The following ZC3H12D variants were observed in gnomAD, a reference collection of about 807,000 sequenced individuals.
ZC3H12D encodes the protein probable ribonuclease ZC3H12D.
In ZC3H12D, 11 loss-of-function variants were observed where a neutral mutation model predicts 24.2. The ratio of observed to expected loss-of-function variants is 0.46; its 90% CI spans 0.29 to 0.75. The LOEUF (loss-of-function observed/expected upper bound fraction) is 0.75, where lower values mean the gene tolerates loss of function less well. Among genes scored for constraint, ZC3H12D ranks in the 30% least tolerant of loss-of-function variants. The pLI, the probability that ZC3H12D is intolerant of heterozygous loss-of-function variation, is 0.11. For synonymous variants in ZC3H12D, 333 were observed against 341.8 expected (o/e 0.97, Z 0.28); for missense variants, 740 against 767.7 (o/e 0.96, Z 0.43).
At position 149,458,128 on chromosome 6, in the gene ZC3H12D, CTTTTTTTTTT is replaced by C. The variant is rs1189920889; in HGVS notation, c.446-1238_446-1229del. The stretch of plus-strand genomic sequence containing the variant: ...TTCTTTTTCTTTTTTTTTTTCGTTT[CTTTTTTTTTT>C]TTTTTTTTTTTTTTTGAGACAAGAT... On this transcript the variant is annotated intron_variant, in intron 3 of 5. Transcript: ENST00000409806. Among the ~76,000 whole-genome samples the C allele has an allele frequency of 1.0e-4, 4 of 39,756 alleles. No individual in the cohort carries two copies. In the Admixed American group the frequency reaches 1.5e-3, roughly 15 times the overall value. The allele number at this position is 39,756 out of a possible 152,430, so 26.1% of individuals were successfully genotyped here.
chr6:149,464,878 G>A (rs1354742133), intron 2 of ZC3H12D, among the ~76,000 whole-genome samples: 1 of 152,168 alleles, frequency 6.6e-6, no homozygotes. Context: ...AGGTGTAAAG[G>A]GAGGGGCAAG....
In ZC3H12D at chr6:149,477,664, C is replaced by G. The variant is rs574815918; in HGVS notation, c.-70-3051G>C. On this transcript the variant is annotated intron_variant, in intron 1 of 5. Transcript: ENST00000409806. ...AGCACCTATATTCCGATGGGCCCCA[C>G]AGCTGCATGTCTTGCTCACACCTCC... Among the ~76,000 whole-genome samples the G allele has an allele frequency of 4.6e-5, 7 of 151,934 alleles. No homozygotes were observed. The East Asian group carries it at 1.2e-3, about 26-fold the overall frequency.
At chr6:149,476,302 C>T (rs990698345) in intron 1 of ZC3H12D, among the ~76,000 whole-genome samples, 6 of 152,086 alleles carry the variant, frequency 3.9e-5, no homozygotes, top group Admixed American at 6.6e-5. Flanking sequence ...GTCAGGAATT[C>T]GAGACCGGCC....
intron 4 of ZC3H12D, among the ~76,000 whole-genome samples, chr6:149,455,347 G>A (rs191637149): frequency 3.9e-4 from 59 of 152,154 alleles, no homozygotes; most frequent in Non-Finnish European, 6.8e-4. Flanking sequence ...TGGAGACACC[G>A]CACGTAAGAC....
Position 149,456,649 on chromosome 6 carries a change from A to C in ZC3H12D, c.680+17T>G. ...CCCCGCCGCCCCCCAGGGTGTCAGGACCCCAGCCGGACCTACCGGTCGTTG... is the reference window on the plus strand; with the variant it reads ...CCCCGCCGCCCCCCAGGGTGTCAGGCCCCCAGCCGGACCTACCGGTCGTTG... On this transcript the variant is annotated intron_variant, in intron 4 of 5. Coordinates refer to ENST00000409806, the MANE Select transcript of ZC3H12D (RefSeq NM_207360.3). This position sits in a 1 kb window ranked among gnomAD's most constrained non-coding sequence, Gnocchi z 4.3. 4.5e-6 allele frequency: 4 copies of C among 880,710 alleles called. No homozygotes were observed. The highest frequency in any genetic ancestry group is 1.8e-5 in the Admixed American group (1 of 54,504). The allele number at this position is 880,710 out of a possible 1,614,324, so 54.6% of individuals were successfully genotyped here.
intron 4 of ZC3H12D, among the ~76,000 whole-genome samples, chr6:149,453,431 C>A (rs1775932713): frequency 6.6e-6 from 1 of 152,160 alleles, no homozygotes; most frequent in Non-Finnish European, 1.5e-5. Context: ...TCACAACCAA[C>A]CTGGGCAACA....
At chr6:149,451,551 A>C in intron 5 of ZC3H12D, 72 bp from the exon 6 acceptor site, 2 of 1,335,870 alleles carry the variant, frequency 1.5e-6, no homozygotes, top group South Asian at 2.9e-5. Context: ...TTCCTGGTGC[A>C]TCCGGGGAGT....
At position 149,456,866 on chromosome 6, in the gene ZC3H12D, C is replaced by G. The variant is rs754007628; in HGVS notation, c.480G>C (p.Ala160=). Residue 160 remains alanine, a synonymous_variant, in exon 4 of 6, where the codon GCG becomes GCC. Coordinates refer to ENST00000409806, the MANE Select transcript of ZC3H12D (RefSeq NM_207360.3). The surrounding 1 kb of genome is among the most constrained non-coding windows in gnomAD (Gnocchi z 4.3). Reference sequence around the variant, plus strand: ...TGCGGGACGGCGTGTACACCAGCACCGCCTGCCGCTCCAGCTCCGCCAGCA... The same window carrying G: ...TGCGGGACGGCGTGTACACCAGCACGGCCTGCCGCTCCAGCTCCGCCAGCA... ...QHVLAELERQ[A]VLVYTPSRKV... 10 of 1,605,456 alleles carry G rather than the reference C, an allele frequency of 6.2e-6. No homozygotes were observed. Among genetic ancestry groups the G allele is most frequent in the Non-Finnish European group, 8.5e-6 (10 of 1,179,196 alleles).
At chr6:149,470,252 C>G (rs914055206) in intron 2 of ZC3H12D, among the ~76,000 whole-genome samples, 3 of 151,934 alleles carry the variant, frequency 2.0e-5, no homozygotes, top group Admixed American at 6.6e-5. Context: ...CCCAGCTACT[C>G]GGGAGGCTGA....
At chr6:149,460,779 G>A (rs889453827) in intron 3 of ZC3H12D, among the ~76,000 whole-genome samples, 1 of 151,854 alleles carries the variant, frequency 6.6e-6, no homozygotes, top group Non-Finnish European at 1.5e-5. Context: ...GCAGTGAGCT[G>A]AGATTGTGCC....
intron 3 of ZC3H12D, among the ~76,000 whole-genome samples, chr6:149,460,464 G>A (rs1181748782): frequency 6.6e-6 from 1 of 152,178 alleles, no homozygotes; most frequent in African/African-American, 2.4e-5. Flanking sequence ...GGGAGGCCAA[G>A]GCAGAGGGAT....
rs12207869 is a variant in ZC3H12D at position 149,464,715 on chromosome 6, C to T, written c.306-2745G>A. 1.8e-3 allele frequency among the ~76,000 whole-genome samples: 270 copies of T among 152,254 alleles called. 2 individuals are homozygous for T. Among genetic ancestry groups the T allele is most frequent in the Admixed American group, 6.4e-3 (98 of 15,288 alleles). ...TAAAAGCTGTTGAATAAACGAATGG[C>T]TGAGAAGAAACTCAGCTGAGAAGCA... On this transcript the variant is annotated intron_variant, in intron 2 of 5. Coordinates refer to ENST00000409806, the MANE Select transcript of ZC3H12D (RefSeq NM_207360.3).
chr6:149,456,614 C>A lies in ZC3H12D; in HGVS notation c.680+52G>T. On this transcript the variant is annotated intron_variant, in intron 4 of 5. Transcript: ENST00000409806. The surrounding 1 kb of genome is among the most constrained non-coding windows in gnomAD (Gnocchi z 4.3). Reference sequence around the variant, plus strand: ...GCAGGCGTGGCCACTGCCTCGACCCCGGCCCCCCGCCCCGCCGCCCCCCAG... The same window carrying A: ...GCAGGCGTGGCCACTGCCTCGACCCAGGCCCCCCGCCCCGCCGCCCCCCAG... 8.4e-7 allele frequency: 1 copy of A among 1,190,770 alleles called. No individual in the cohort carries two copies. Among genetic ancestry groups the A allele is most frequent in the East Asian group, 2.5e-5 (1 of 40,526 alleles). The allele number at this position is 1,190,770 out of a possible 1,614,324, so 73.8% of individuals were successfully genotyped here.
rs969258315 is a variant in ZC3H12D at position 149,456,382 on chromosome 6, T to C, written c.680+284A>G. Reference sequence around the variant, plus strand: ...TTCTGAAGTATGCAATTCTGTTTTTTTAAGTTAGTGGTGCCCTAAACACAT... The same window carrying C: ...TTCTGAAGTATGCAATTCTGTTTTTCTAAGTTAGTGGTGCCCTAAACACAT... On this transcript the variant is annotated intron_variant, in intron 4 of 5. Transcript: ENST00000409806. This position sits in a 1 kb window ranked among gnomAD's most constrained non-coding sequence, Gnocchi z 4.3. 4.6e-5 allele frequency among the ~76,000 whole-genome samples: 7 copies of C among 152,204 alleles called. No homozygotes were observed. Among genetic ancestry groups the C allele is most frequent in the African/African-American group, 1.7e-4 (7 of 41,452 alleles).
Position 149,456,622 on chromosome 6 carries a change from C to CCCCCCCCCCCCCCCCCGGGGGGAGG in ZC3H12D, c.680+43_680+44insCCTCCCCCCGGGGGGGGGGGGGGGG. ...GGCCACTGCCTCGACCCCGGCCCCC[C>CCCCCCCCCCCCCCCCCGGGGGGAGG]GCCCCGCCGCCCCCCAGGGTGTCAG... On this transcript the variant is annotated intron_variant, in intron 4 of 5. Coordinates refer to ENST00000409806, the MANE Select transcript of ZC3H12D (RefSeq NM_207360.3). This position sits in a 1 kb window ranked among gnomAD's most constrained non-coding sequence, Gnocchi z 4.3. 2 of 1,314,354 alleles carry CCCCCCCCCCCCCCCCCGGGGGGAGG rather than the reference C, an allele frequency of 1.5e-6. No individual in the cohort carries two copies. The highest frequency in any genetic ancestry group is 2.2e-6 in the Non-Finnish European group (2 of 921,306). 81.4% of individuals were successfully genotyped at this position (1,314,354 alleles called of 1,614,324 possible). A position where few individuals can be genotyped will look rare whatever the true frequency, so the allele number is the denominator to read the frequency against.
rs566593903 is a variant in ZC3H12D at position 149,480,282 on chromosome 6, A to T, written c.-71+4531T>A. On this transcript the variant is annotated intron_variant, in intron 1 of 5. Transcript: ENST00000409806. ...CAATTAGAAAAATGTGTTTTCAAAT[A>T]TGGTACATATACATCACAGAATACT... Among the ~76,000 whole-genome samples the T allele has an allele frequency of 4.6e-5, 7 of 152,396 alleles. No homozygotes were observed. The East Asian group carries it at 1.2e-3, about 25-fold the overall frequency.
chr6:149,476,608 G>A lies in ZC3H12D; in HGVS notation c.-70-1995C>T, dbSNP rs945526163. On this transcript the variant is annotated intron_variant, in intron 1 of 5. Transcript: ENST00000409806. ...GTATCGCTTTAGCCTAGGAATTTGA[G>A]ACCAACCACAGCAACATGGCAAAAC... is the stretch of plus-strand genomic sequence containing the variant. 3.9e-5 allele frequency among the ~76,000 whole-genome samples: 6 copies of A among 152,202 alleles called. 1 individual carries two copies. The South Asian group carries it at 1.2e-3, about 32-fold the overall frequency.
At chr6:149,475,941 A>C (rs1776333374) in intron 1 of ZC3H12D, among the ~76,000 whole-genome samples, 1 of 152,222 alleles carries the variant, frequency 6.6e-6, no homozygotes, top group African/African-American at 2.4e-5. Context: ...TTTTAAATAC[A>C]GAAATAATCA....
At chr6:149,455,453 C>T (rs763196092) in intron 4 of ZC3H12D, among the ~76,000 whole-genome samples, 6 of 152,214 alleles carry the variant, frequency 3.9e-5, no homozygotes, top group Non-Finnish European at 8.8e-5. Flanking sequence ...CAAGCTAACA[C>T]TGCCTGGAAC....
Sources: gnomAD v4.1 joint callset for allele counts (sites outside exome capture counted in the v4.1 genomes callset) on GRCh38, gnomAD v4.1.1 for gene constraint, Gnocchi (gnomAD v3.1) non-coding constraint, MANE v1.5 for transcripts, NCBI Gene and HGNC (gene_info 2026-07-23, HGNC 2026-07-21) for gene names.